The following TMEM108 variants were observed in gnomAD, a reference collection of about 807,000 sequenced individuals.
The protein encoded by TMEM108 is transmembrane protein 108.
TMEM108 carries 12 observed loss-of-function variants against 35.1 expected under a neutral mutation model. The ratio of observed to expected loss-of-function variants is 0.34; its 90% confidence interval spans 0.22 to 0.55. TMEM108 has a LOEUF of 0.55. Ranked by LOEUF, TMEM108 falls within the 20% of genes least tolerant of loss-of-function variation. TMEM108 has a pLI of 0.89. For missense variants in TMEM108, 680 were observed against 753.3 expected, an observed-to-expected ratio of 0.90 and a Z score of 1.14; for synonymous variants, 287 against 308.6, an observed-to-expected ratio of 0.93 and a Z score of 0.73.
At chr3:133,092,340 CCAGGGTCTAATA>C in intron 2 of TMEM108, among the ~76,000 whole-genome samples, 1 of 152,186 alleles carries the variant, frequency 6.6e-6, no homozygotes, top group Non-Finnish European at 1.5e-5. Flanking sequence ...TTCCCAAACT[CCAGGGTCTAATA>C]TTTTCTCCTA....
chr3:133,296,609 C>T (rs553954916), intron 3 of TMEM108, among the ~76,000 whole-genome samples: 9 of 151,930 alleles, frequency 5.9e-5, no homozygotes, highest in Admixed American at 1.3e-4. Context: ...GTCCAGATCT[C>T]TGTCCCAGTC....
At chr3:133,378,935 C>T (rs2072922276) in intron 3 of TMEM108, among the ~76,000 whole-genome samples, 1 of 151,972 alleles carries the variant, frequency 6.6e-6, no homozygotes, top group South Asian at 2.1e-4. Context: ...AACCATGACA[C>T]CAGCCGGCAT....
chr3:133,343,949 C>G (rs148496647), intron 3 of TMEM108, among the ~76,000 whole-genome samples: 2 of 151,840 alleles, frequency 1.3e-5, no homozygotes, highest in Non-Finnish European at 2.9e-5. Flanking sequence ...TTATACACAA[C>G]CTTTTTCCAA....
chr3:133,224,623 C>T (rs965159796), intron 2 of TMEM108, among the ~76,000 whole-genome samples: 1 of 152,074 alleles, frequency 6.6e-6, no homozygotes, highest in African/African-American at 2.4e-5. Context: ...TTTTGCTTGG[C>T]TCTTTTCTCT....
At chr3:133,339,994 AAAG>A (rs1230898781) in intron 3 of TMEM108, among the ~76,000 whole-genome samples, 1 of 151,722 alleles carries the variant, frequency 6.6e-6, no homozygotes, top group Non-Finnish European at 1.5e-5. Context: ...CTATATCAAA[AAAG>A]AAGAAAAATG....
chr3:133,283,404 G>C (rs1428943902), intron 3 of TMEM108, among the ~76,000 whole-genome samples: 1 of 152,120 alleles, frequency 6.6e-6, no homozygotes, highest in Non-Finnish European at 1.5e-5. Context: ...CTGCATTTCA[G>C]GTCTTAATTA....
intron 3 of TMEM108, among the ~76,000 whole-genome samples, chr3:133,306,682 G>A (rs1006003752): frequency 1.3e-5 from 2 of 152,078 alleles, no homozygotes; most frequent in African/African-American, 2.4e-5. Flanking sequence ...CCATGTCCCT[G>A]CAAAGGACAT....
At chr3:133,363,582 T>A (rs1012535326) in intron 3 of TMEM108, among the ~76,000 whole-genome samples, 9 of 152,008 alleles carry the variant, frequency 5.9e-5, no homozygotes, top group Non-Finnish European at 1.2e-4. Flanking sequence ...ATTTTTTGCA[T>A]TTTTTTAGAG....
At chr3:133,297,653 A>G (rs1017457599) in intron 3 of TMEM108, among the ~76,000 whole-genome samples, 1 of 152,148 alleles carries the variant, frequency 6.6e-6, no homozygotes, top group Non-Finnish European at 1.5e-5. Context: ...GCAGTAGGCT[A>G]TGGGTCAGTC....
intron 3 of TMEM108, among the ~76,000 whole-genome samples, chr3:133,356,354 T>C (rs1389230520): frequency 1.3e-5 from 2 of 152,170 alleles, no homozygotes; most frequent in Non-Finnish European, 2.9e-5. Context: ...CATCCCATGC[T>C]CATAGATGGG....
At chr3:133,381,866 C>T (rs1453939778) in intron 4 of TMEM108, among the ~76,000 whole-genome samples, 1 of 152,126 alleles carries the variant, frequency 6.6e-6, no homozygotes, top group Non-Finnish European at 1.5e-5. Context: ...CCACCCCCAC[C>T]CCACTTTATT....
At chr3:133,201,121 C>T (rs1024508857) in intron 2 of TMEM108, among the ~76,000 whole-genome samples, 2 of 152,110 alleles carry the variant, frequency 1.3e-5, no homozygotes, top group Non-Finnish European at 2.9e-5. Flanking sequence ...TTCTGCCTTC[C>T]CAGAACTTAC....
intron 2 of TMEM108, among the ~76,000 whole-genome samples, chr3:133,167,843 G>A (rs1559854316): frequency 6.6e-6 from 1 of 152,190 alleles, no homozygotes; most frequent in African/African-American, 2.4e-5. Flanking sequence ...GGCTCCCACA[G>A]TGCAGCGGCG....
At chr3:133,242,258 A>C (rs112296128) in intron 3 of TMEM108, among the ~76,000 whole-genome samples, 2,161 of 152,316 alleles carry the variant, frequency 0.014, 62 homozygotes, top group African/African-American at 0.05. Flanking sequence ...ACCACCATTC[A>C]ATCAACTACA....
At chr3:133,142,248 A>C (rs894553171) in intron 2 of TMEM108, among the ~76,000 whole-genome samples, 1 of 152,192 alleles carries the variant, frequency 6.6e-6, no homozygotes, top group African/African-American at 2.4e-5. Context: ...ATCCATGTAC[A>C]TGGATAATGT....
chr3:133,204,713 A>G (rs141057237), intron 2 of TMEM108, among the ~76,000 whole-genome samples: 1,666 of 152,250 alleles, frequency 0.011, 28 homozygotes, highest in South Asian at 0.039. Context: ...GGAGTGTTTT[A>G]CTTCCAGTTA....
intron 2 of TMEM108, among the ~76,000 whole-genome samples, chr3:133,053,878 A>G (rs1439680225): frequency 6.6e-6 from 1 of 152,224 alleles, no homozygotes; most frequent in African/African-American, 2.4e-5. Flanking sequence ...TGATCTGTGT[A>G]TAGACCAAAC....
At chr3:133,258,892 A>G (rs779950696) in intron 3 of TMEM108, among the ~76,000 whole-genome samples, 17 of 152,244 alleles carry the variant, frequency 1.1e-4, no homozygotes, top group Admixed American at 7.2e-4. Context: ...ATTCACTGAC[A>G]AGATATAGAA....
At chr3:133,112,104 G>T (rs751609788) in intron 2 of TMEM108, among the ~76,000 whole-genome samples, 1 of 151,820 alleles carries the variant, frequency 6.6e-6, no homozygotes, top group Non-Finnish European at 1.5e-5. Context: ...CATTGCGGGG[G>T]AAACAAAAAA....
Sources: gnomAD v4.1 joint callset for allele counts (sites outside exome capture counted in the v4.1 genomes callset) on GRCh38, gnomAD v4.1.1 for gene constraint, MANE v1.5 for transcripts, NCBI Gene and HGNC (gene_info 2026-07-23, HGNC 2026-07-21) for gene names.